Variants in USP31 observed in about 807,000 individuals in gnomAD.
USP31 encodes ubiquitin carboxyl-terminal hydrolase 31.
Under a neutral mutation model 119.4 loss-of-function variants are expected in USP31, and 44 were observed. The observed-to-expected ratio is 0.37, with a 90% CI of 0.29 to 0.47. The LOEUF (loss-of-function observed/expected upper bound fraction) is 0.47, where lower values mean the gene tolerates loss of function less well. Ranked by LOEUF, USP31 falls within the 20% of genes least tolerant of loss-of-function variation. The pLI, the probability that USP31 is intolerant of heterozygous loss-of-function variation, is 0.99. For synonymous variants in USP31, 749 were observed against 705.6 expected, an observed-to-expected ratio of 1.06 and a Z score of -0.97; for missense variants, 1,643 against 1,730.2, an observed-to-expected ratio of 0.95 and a Z score of 0.89.
At chr16:23,090,563 T>C (rs1901311912) in intron 7 of USP31, 61 bp downstream of exon 7, 1 of 1,433,766 alleles carries the variant, frequency 7.0e-7, no homozygotes. Context: ...CTTTTTAACA[T>C]GTTTGAAAAT....
intron 1 of USP31, among the ~76,000 whole-genome samples, chr16:23,124,648 T>C (rs1304704472): frequency 1.3e-5 from 2 of 152,134 alleles, no homozygotes; most frequent in Non-Finnish European, 2.9e-5. Flanking sequence ...AACCCCAGCA[T>C]GAGGCTGAGA....
chr16:23,100,488 G>A (rs1181986498), intron 6 of USP31, among the ~76,000 whole-genome samples: 5 of 152,120 alleles, frequency 3.3e-5, no homozygotes, highest in African/African-American at 9.7e-5. Context: ...AAGCAGAATA[G>A]TGGGCCGGGT....
chr16:23,076,263 T>C (rs1900567032), intron 13 of USP31, among the ~76,000 whole-genome samples: 1 of 147,214 alleles, frequency 6.8e-6, no homozygotes, highest in Non-Finnish European at 1.5e-5. Context: ...CCTGAACACG[T>C]ACACCTGAAC....
At chr16:23,120,635 A>G (rs1306238226) in intron 1 of USP31, among the ~76,000 whole-genome samples, 1 of 152,224 alleles carries the variant, frequency 6.6e-6, no homozygotes, top group Non-Finnish European at 1.5e-5. Flanking sequence ...GAATGCTTAA[A>G]CCTAGGAAGA....
chr16:23,073,561 T>G (rs1000410289), intron 14 of USP31, among the ~76,000 whole-genome samples, 161 bp downstream of exon 14: 1 of 152,104 alleles, frequency 6.6e-6, no homozygotes, highest in African/African-American at 2.4e-5. Context: ...CTCCCCAACT[T>G]CCTTGACTGC....
At chr16:23,126,743 A>T (rs1014025347) in intron 1 of USP31, among the ~76,000 whole-genome samples, 2 of 152,192 alleles carry the variant, frequency 1.3e-5, no homozygotes, top group African/African-American at 4.8e-5. Flanking sequence ...TTACAACATT[A>T]TAAGGAGCAA....
chr16:23,135,542 T>C (rs889679530), intron 1 of USP31, among the ~76,000 whole-genome samples: 1 of 152,078 alleles, frequency 6.6e-6, no homozygotes, highest in Admixed American at 6.6e-5. Context: ...TATATACTAG[T>C]AATGAACAAT....
In USP31 at chr16:23,099,002, C is replaced by T. The variant is rs539891766; in HGVS notation, c.1234+3317G>A. On this transcript the variant is annotated intron_variant, in intron 6 of 15. Transcript: ENST00000219689. ...CTAATTAAACTAAAGAGCTTCTGCACGGCAAAAGAAACTACCATCAGAGTG... is the reference window on the plus strand; with the variant it reads ...CTAATTAAACTAAAGAGCTTCTGCATGGCAAAAGAAACTACCATCAGAGTG... Among the ~76,000 whole-genome samples, 29 of 152,164 alleles carry T rather than the reference C, an allele frequency of 1.9e-4. No homozygotes were observed. The South Asian group carries it at 5.0e-3, about 26-fold the overall frequency.
chr16:23,129,021 G>A (rs913251908), intron 1 of USP31, among the ~76,000 whole-genome samples: 1 of 152,172 alleles, frequency 6.6e-6, no homozygotes, highest in Non-Finnish European at 1.5e-5. Flanking sequence ...TATGTCTTCT[G>A]AATTTAACAA....
chr16:23,078,661 C>T (rs1434258338), intron 13 of USP31, among the ~76,000 whole-genome samples: 1 of 152,192 alleles, frequency 6.6e-6, no homozygotes, highest in African/African-American at 2.4e-5. Flanking sequence ...TACTTGATTA[C>T]ACTCTCAGAA....
At position 23,064,047 on chromosome 16, in the gene USP31, T is replaced by G. The variant is rs1010368080; in HGVS notation, c.*3999A>C. ...GTAACAGCTACTTTTTGTGTTCGTT[T>G]GTGATAGGTACTGGTTTGTCAGCAA... is the stretch of plus-strand genomic sequence containing the variant. On this transcript the variant is annotated 3_prime_UTR_variant, in exon 16 of 16. Transcript: ENST00000219689. 1 of 152,656 alleles carries G rather than the reference T, an allele frequency of 6.6e-6. No individual in the cohort carries two copies. Among genetic ancestry groups the G allele is most frequent in the Non-Finnish European group, 1.5e-5 (1 of 68,044 alleles). The allele number at this position is 152,656 out of a possible 1,614,324, so 9.5% of individuals were successfully genotyped here. A position where few individuals can be genotyped will look rare whatever the true frequency, so the allele number is the denominator to read the frequency against.
intron 1 of USP31, among the ~76,000 whole-genome samples, chr16:23,110,079 A>G (rs1434954520): frequency 6.6e-6 from 1 of 152,240 alleles, no homozygotes; most frequent in Admixed American, 6.5e-5. Context: ...CTTCTTAGTT[A>G]TAACAAATGC....
intron 7 of USP31, 71 bp downstream of exon 7, chr16:23,090,553 C>CT (rs1901311172): frequency 3.5e-6 from 5 of 1,409,672 alleles, no homozygotes. Context: ...TTTGCCCATG[C>CT]TTTTTAACAT....
chr16:23,138,749 CA>C lies in USP31; in HGVS notation c.633+9888del, dbSNP rs201887777. On this transcript the variant is annotated intron_variant, in intron 1 of 15. Transcript: ENST00000219689. ...TGCACTTACAGGGTTTGCTGCCCTG[CA>C]AAGGACTTTCCCACCTTTCCACTAT... Among the ~76,000 whole-genome samples, 1,412 of 152,248 alleles carry C rather than the reference CA, an allele frequency of 9.3e-3. 18 individuals carry two copies. Among genetic ancestry groups the C allele is most frequent in the African/African-American group, 0.03 (1,227 of 41,548 alleles).
chr16:23,084,215 T>A (rs1900987922), intron 11 of USP31, among the ~76,000 whole-genome samples: 1 of 152,232 alleles, frequency 6.6e-6, no homozygotes, highest in Non-Finnish European at 1.5e-5. Context: ...TCAATGTTTA[T>A]AAGGTGCATA....
intron 14 of USP31, 71 bp downstream of exon 14, chr16:23,073,651 A>G: frequency 1.3e-6 from 2 of 1,537,156 alleles, no homozygotes; most frequent in Non-Finnish European, 1.8e-6. Flanking sequence ...GCCTCCAGAG[A>G]GGTCCTCTAG....
intron 1 of USP31, among the ~76,000 whole-genome samples, chr16:23,138,894 G>A (rs981986980): frequency 2.0e-5 from 3 of 151,962 alleles, no homozygotes; most frequent in East Asian, 1.9e-4. Context: ...CACAGCACTC[G>A]TCCTATCCTA....
intron 1 of USP31, among the ~76,000 whole-genome samples, chr16:23,127,322 G>A (rs1417626853): frequency 7.3e-6 from 1 of 137,644 alleles, no homozygotes; most frequent in Non-Finnish European, 1.6e-5. Context: ...AGCTACTCCA[G>A]GGACTGAGGA....
In USP31 at chr16:23,149,032, G is replaced by C. The variant is rs1383035015; in HGVS notation, c.239C>G (p.Ser80Cys). ...KTLSTLSHLS[S>C]EGAAPDRGGL... Reference sequence around the variant, plus strand: ...GCCGCGGTCTGGGGCGGCGCCCTCAGAGCTAAGGTGCGAGAGCGTGGACAG... The same window carrying C: ...GCCGCGGTCTGGGGCGGCGCCCTCACAGCTAAGGTGCGAGAGCGTGGACAG... Residue 80 changes from serine to cysteine, a missense_variant, in exon 1 of 16, where the codon TCT becomes TGT. By Grantham distance (112) the Ser-to-Cys change is moderately radical. This residue lies in a region of USP31 where 302 missense variants were observed against 262.6 expected (regional missense o/e 1.15). Coordinates refer to ENST00000219689, the MANE Select transcript of USP31 (RefSeq NM_020718.4). 2.9e-5 allele frequency: 35 copies of C among 1,213,364 alleles called. No homozygotes were observed. The highest frequency in any genetic ancestry group is 3.5e-5 in the Non-Finnish European group (33 of 951,702). The allele number at this position is 1,213,364 out of a possible 1,614,324, so 75.2% of individuals were successfully genotyped here.
Sources: gnomAD v4.1 joint callset for allele counts (sites outside exome capture counted in the v4.1 genomes callset) on GRCh38, gnomAD v4.1.1 for gene constraint, gnomAD v4.1.1 regional missense constraint, MANE v1.5 for transcripts, NCBI Gene and HGNC (gene_info 2026-07-23, HGNC 2026-07-21) for gene names.